GNAQ: variants seen among roughly 807,000 people sequenced by gnomAD.
GNAQ encodes the protein G protein subunit alpha q, also known as guanine nucleotide-binding protein G(q) subunit alpha.
A neutral mutation model predicts 43.9 loss-of-function variants in GNAQ; 8 were observed. The observed-to-expected ratio is 0.18, with a 90% confidence interval of 0.11 to 0.33. GNAQ has a LOEUF of 0.33. Among genes scored for constraint, GNAQ ranks in the 10% least tolerant of loss-of-function variants. GNAQ has a pLI of 1.00. For missense variants in GNAQ, 158 were observed against 450.8 expected, an observed-to-expected ratio of 0.35 and a Z score of 5.88; for synonymous variants, 155 against 170.7, an observed-to-expected ratio of 0.91 and a Z score of 0.71.
intron 1 of GNAQ, among the ~76,000 whole-genome samples, chr9:77,947,825 G>C (rs1001820550): frequency 1.2e-4 from 19 of 152,178 alleles, no homozygotes; most frequent in African/African-American, 4.6e-4. Context: ...CAGCGCCATG[G>C]AAGCAGCCTG....
intron 6 of GNAQ, 133 bp from the exon 7 acceptor site, chr9:77,721,646 C>A (rs945872879): frequency 4.8e-6 from 3 of 625,602 alleles, no homozygotes; most frequent in African/African-American, 1.9e-5. Flanking sequence ...CTGTTATAAT[C>A]ATTTTCCCTA....
At chr9:77,885,942 G>A (rs1828297811) in intron 2 of GNAQ, among the ~76,000 whole-genome samples, 1 of 152,006 alleles carries the variant, frequency 6.6e-6, no homozygotes. Flanking sequence ...TCTATTAAAT[G>A]CTCTAATACA....
At chr9:77,932,265 T>C (rs1253628464) in intron 1 of GNAQ, among the ~76,000 whole-genome samples, 1 of 152,208 alleles carries the variant, frequency 6.6e-6, no homozygotes, top group Non-Finnish European at 1.5e-5. Context: ...GCTTGAATTG[T>C]TTATTCTTAA....
chr9:77,837,031 G>T (rs1344974627), intron 2 of GNAQ, among the ~76,000 whole-genome samples: 2 of 152,140 alleles, frequency 1.3e-5, no homozygotes, highest in Non-Finnish European at 2.9e-5. Flanking sequence ...GAACTTTTAG[G>T]AATTAATTTC....
intron 3 of GNAQ, among the ~76,000 whole-genome samples, chr9:77,803,411 C>T (rs1389740425): frequency 6.6e-6 from 1 of 152,162 alleles, no homozygotes; most frequent in Non-Finnish European, 1.5e-5. Flanking sequence ...TAACACAGTG[C>T]AAACTGAGGA....
intron 3 of GNAQ, 59 bp downstream of exon 3, chr9:77,815,556 TA>T: frequency 9.1e-7 from 1 of 1,094,200 alleles, no homozygotes; most frequent in Non-Finnish European, 1.4e-6. Context: ...ATGATAATCA[TA>T]AAACCTCCAC....
chr9:77,894,787 T>A (rs765181622), intron 2 of GNAQ, among the ~76,000 whole-genome samples: 11 of 147,682 alleles, frequency 7.4e-5, no homozygotes, highest in African/African-American at 2.7e-4. Flanking sequence ...ATTGTTTTCA[T>A]TGATCAAGAG....
intron 2 of GNAQ, among the ~76,000 whole-genome samples, chr9:77,836,174 TCTC>T (rs1827381037): frequency 6.6e-6 from 1 of 151,782 alleles, no homozygotes; most frequent in South Asian, 2.1e-4. Context: ...CTGCAAGCCT[TCTC>T]CTATTTTTTT....
At chr9:77,786,590 A>G (rs192171867) in intron 5 of GNAQ, among the ~76,000 whole-genome samples, 183 of 152,230 alleles carry the variant, frequency 1.2e-3, no homozygotes, top group African/African-American at 4.2e-3. Flanking sequence ...GCATTGCACT[A>G]TAGCTATTCA....
At chr9:77,784,894 G>A (rs937015255) in intron 5 of GNAQ, among the ~76,000 whole-genome samples, 3 of 152,166 alleles carry the variant, frequency 2.0e-5, no homozygotes, top group Non-Finnish European at 2.9e-5. Flanking sequence ...ACAATGATAT[G>A]CTACTATACA....
intron 1 of GNAQ, among the ~76,000 whole-genome samples, chr9:77,969,206 T>A (rs1442024213): frequency 2.0e-5 from 3 of 152,166 alleles, no homozygotes; most frequent in African/African-American, 7.2e-5. Flanking sequence ...CAATTCTCCC[T>A]CTGGCCTTTC....
rs144245348 is a variant in GNAQ, at chr9:77,725,252, A to G, written c.889+3262T>C. 7.9e-5 allele frequency among the ~76,000 whole-genome samples: 12 copies of G among 152,348 alleles called. No homozygotes were observed. The East Asian group carries it at 2.3e-3, about 29-fold the overall frequency. ...GCAGGAGCAGAATTCCACAGTCTCT[A>G]TGAACAATCTTGCAATTCAAGTCCA... is the stretch of plus-strand genomic sequence containing the variant. On this transcript the variant is annotated intron_variant, in intron 6 of 6. Transcript: ENST00000286548.
At chr9:77,909,161 A>G (rs887744870) in intron 2 of GNAQ, among the ~76,000 whole-genome samples, 4 of 152,320 alleles carry the variant, frequency 2.6e-5, no homozygotes, top group African/African-American at 9.6e-5. Context: ...GATACACGCC[A>G]CCCACAAAGC....
chr9:77,761,952 G>A (rs1826037689), intron 5 of GNAQ, among the ~76,000 whole-genome samples: 1 of 132,474 alleles, frequency 7.5e-6, no homozygotes, highest in Admixed American at 7.3e-5. Flanking sequence ...GAGGTGCGGG[G>A]GTCAGCCCCC....
rs75887967 is a variant in GNAQ at position 77,883,254 on chromosome 9, C to T, written c.321+38907G>A. Among the ~76,000 whole-genome samples the T allele has an allele frequency of 6.1e-3, 936 of 152,248 alleles. 13 individuals are homozygous for T. The highest frequency in any genetic ancestry group is 0.021 in the African/African-American group (867 of 41,556). On this transcript the variant is annotated intron_variant, in intron 2 of 6. Coordinates refer to ENST00000286548, the MANE Select transcript of GNAQ (RefSeq NM_002072.5). ...CCAGTGTGTCCCCAGCTAGCCTAGCCTCTGCCAGTGGCCAGGGAAGTGACA... is the reference window on the plus strand; with the variant it reads ...CCAGTGTGTCCCCAGCTAGCCTAGCTTCTGCCAGTGGCCAGGGAAGTGACA...
At chr9:77,846,248 G>C (rs1827583796) in intron 2 of GNAQ, among the ~76,000 whole-genome samples, 2 of 152,160 alleles carry the variant, frequency 1.3e-5, no homozygotes, top group African/African-American at 4.8e-5. Context: ...GAGATGTGTG[G>C]CAAGTCAGGG....
chr9:77,962,876 T>TA (rs541595986), intron 1 of GNAQ, among the ~76,000 whole-genome samples: 1 of 89,336 alleles, frequency 1.1e-5, no homozygotes, highest in South Asian at 3.4e-4. Flanking sequence ...TGGGCAACAA[T>TA]AGTGAAACTT....
intron 1 of GNAQ, among the ~76,000 whole-genome samples, chr9:77,991,519 C>T (rs1343789961): frequency 1.3e-5 from 2 of 152,164 alleles, no homozygotes; most frequent in Non-Finnish European, 1.5e-5. Flanking sequence ...CATGGCCCTG[C>T]TCATTCCTTC....
At chr9:77,738,482 GGAAAA>G (rs1182577440) in intron 5 of GNAQ, among the ~76,000 whole-genome samples, 2 of 151,836 alleles carry the variant, frequency 1.3e-5, no homozygotes, top group Non-Finnish European at 2.9e-5. Flanking sequence ...AATAACAGTA[GGAAAA>G]GAAAAAAGTT....
Sources: allele counts gnomAD v4.1 joint callset (sites outside exome capture counted in the v4.1 genomes callset), GRCh38; gene constraint gnomAD v4.1.1; transcripts MANE v1.5; gene names NCBI Gene and HGNC (gene_info 2026-07-23, HGNC 2026-07-21).